FOXP4: variants seen among roughly 807,000 people sequenced by gnomAD.
FOXP4 encodes the protein forkhead box protein P4.
A neutral mutation model predicts 82.6 loss-of-function variants in FOXP4; 25 were observed. The ratio of observed to expected loss-of-function variants is 0.30; its 90% CI spans 0.22 to 0.42. The LOEUF (loss-of-function observed/expected upper bound fraction) is 0.42. Among genes scored for constraint, FOXP4 ranks in the 10% least tolerant of loss-of-function variants. The pLI is 1.00. For missense variants in FOXP4, 785 were observed against 900.9 expected (o/e 0.87, Z 1.65); for synonymous variants, 415 against 388.2 (o/e 1.07, Z -0.81).
rs1425560160 is a variant in FOXP4, at chr6:41,584,948, C to T, written c.423+57C>T. On this transcript the variant is annotated intron_variant, in intron 4 of 16. Coordinates refer to ENST00000307972, the MANE Select transcript of FOXP4 (RefSeq NM_001012426.2). ...CTCCTCTGCCTGGCCTGGCTCCTCC[C>T]ACCCTGTTTACACCTCACCAAGGGC... 4 of 1,537,260 alleles carry T rather than the reference C, an allele frequency of 2.6e-6. No individual in the cohort carries two copies. In the African/African-American group the frequency reaches 4.1e-5, roughly 16 times the overall value.
At position 41,584,240 on chromosome 6, in the gene FOXP4, C is replaced by T. The variant is rs574576120; in HGVS notation, c.301-529C>T. Among the ~76,000 whole-genome samples, 32 of 152,352 alleles carry T rather than the reference C, an allele frequency of 2.1e-4. 1 individual carries two copies. Among genetic ancestry groups the T allele is most frequent in the South Asian group, 8.3e-4 (4 of 4,826 alleles). On this transcript the variant is annotated intron_variant, in intron 3 of 16. Coordinates refer to ENST00000307972, the MANE Select transcript of FOXP4 (RefSeq NM_001012426.2). The stretch of plus-strand genomic sequence containing the variant: ...TGAGAGGAGACAAAGTGCAGGTCCT[C>T]GTGCAAGGTGGGCCACGTTTTGAAT...
Position 41,590,157 on chromosome 6 carries a change from C to T in FOXP4, c.1344C>T (p.Ser448=), listed in dbSNP as rs1425945954. 2 of 1,606,272 alleles carry T rather than the reference C, an allele frequency of 1.2e-6. No homozygotes were observed. The highest frequency in any genetic ancestry group is 1.3e-5 in the African/African-American group (1 of 74,810). The change falls in exon 11 of 17, where the codon TCC becomes TCT. Residue 448 remains serine (S), a synonymous_variant. Transcript: ENST00000307972. ...GGAGAAGCAGTGACAAGTTCTGCTC[C>T]CCCATCTCCTCAGGTGAGGGTGGGC... is the stretch of plus-strand genomic sequence containing the variant. ...ARRRSSDKFC[S]PISSELAQNH...
At chr6:41,587,211 C>T (rs535655363) in intron 6 of FOXP4, 55 bp downstream of exon 6, 48 of 1,608,420 alleles carry the variant, frequency 3.0e-5, no homozygotes, top group South Asian at 2.0e-4. Context: ...CCTGCCTGTA[C>T]GCAACAGCTG....
chr6:41,567,560 G>A (rs531247508), intron 2 of FOXP4, among the ~76,000 whole-genome samples: 1 of 152,298 alleles, frequency 6.6e-6, no homozygotes, highest in South Asian at 2.1e-4. Context: ...ATTTTATATG[G>A]CCAGCTCTTC....
At chr6:41,550,894 C>G (rs956525837) in intron 1 of FOXP4, among the ~76,000 whole-genome samples, 1 of 152,144 alleles carries the variant, frequency 6.6e-6, no homozygotes, top group East Asian at 1.9e-4. Flanking sequence ...TTTGGAAACC[C>G]TAGCCTACAC....
At chr6:41,556,501 T>G (rs1365073814) in intron 1 of FOXP4, among the ~76,000 whole-genome samples, 3 of 152,046 alleles carry the variant, frequency 2.0e-5, no homozygotes, top group Non-Finnish European at 4.4e-5. Flanking sequence ...ATTTTTTGTA[T>G]TTTTAGTAGA....
intron 5 of FOXP4, among the ~76,000 whole-genome samples, 194 bp downstream of exon 5, chr6:41,585,711 T>C (rs1470742962): frequency 6.6e-6 from 1 of 152,050 alleles, no homozygotes; most frequent in African/African-American, 2.4e-5. Flanking sequence ...CTCATCCCCA[T>C]TCATTCTTTC....
intron 13 of FOXP4, among the ~76,000 whole-genome samples, chr6:41,592,766 G>A (rs1369247699): frequency 6.6e-6 from 1 of 151,914 alleles, no homozygotes; most frequent in Non-Finnish European, 1.5e-5. Context: ...CTCTTCTCTT[G>A]AGGTCAGGTT....
chr6:41,564,213 G>A (rs983385174), intron 1 of FOXP4, among the ~76,000 whole-genome samples: 12 of 152,126 alleles, frequency 7.9e-5, no homozygotes, highest in African/African-American at 1.9e-4. Flanking sequence ...CAGCACTTTC[G>A]GAGGCCGAGG....
intron 1 of FOXP4, among the ~76,000 whole-genome samples, chr6:41,560,661 GA>G: frequency 6.6e-6 from 1 of 152,354 alleles, no homozygotes; most frequent in East Asian, 1.9e-4. Flanking sequence ...AGAGATCGCA[GA>G]GGTGTTAATT....
At chr6:41,566,430 TTTCCAGCAGTGAAGAGAGGCCCAGG>T (rs1198340193) in intron 2 of FOXP4, among the ~76,000 whole-genome samples, 1 of 152,198 alleles carries the variant, frequency 6.6e-6, no homozygotes, top group Non-Finnish European at 1.5e-5. Flanking sequence ...TGGGCCTCCA[TTTCCAGCAGTGAAGAGAGGCCCAGG>T]CAGCTGGGTA....
At chr6:41,550,196 C>G (rs188524920) in intron 1 of FOXP4, among the ~76,000 whole-genome samples, 1 of 152,316 alleles carries the variant, frequency 6.6e-6, no homozygotes, top group Non-Finnish European at 1.5e-5. Context: ...GGCTTTGGAA[C>G]TTGGCATTAG....
chr6:41,568,685 C>T (rs1004129228), intron 2 of FOXP4, among the ~76,000 whole-genome samples: 1 of 152,154 alleles, frequency 6.6e-6, no homozygotes, highest in Non-Finnish European at 1.5e-5. Context: ...CCATTCTCCT[C>T]GTACTCTCTG....
rs968521489 is a variant in FOXP4, at chr6:41,587,122, C to G, written c.624C>G (p.Asn208Lys). ...QRQGLVSLQP[N>K]QASGPLQTLP... ...AGGGGCTGGTCAGCCTGCAGCCCAA[C>G]CAAGCCTCGGGGCCCCTCCAGACCC... The change falls in exon 6 of 17, where the codon AAC becomes AAG. Residue 208 changes from asparagine to lysine, a missense_variant. Physicochemically the swap from Asn to Lys is moderately conservative, Grantham distance 94. Coordinates refer to ENST00000307972, the MANE Select transcript of FOXP4 (RefSeq NM_001012426.2). 1 of 1,608,418 alleles carries G rather than the reference C, an allele frequency of 6.2e-7. No homozygotes were observed. The highest frequency in any genetic ancestry group is 1.1e-5 in the South Asian group (1 of 90,922).
chr6:41,590,439 G>T, intron 12 of FOXP4, 92 bp downstream of exon 12: 1 of 1,362,166 alleles, frequency 7.3e-7, no homozygotes, highest in Non-Finnish European at 1.0e-6. Context: ...AGGTCCTGGG[G>T]CCAAGCAATG....
In FOXP4 at chr6:41,585,530, AC is replaced by A. The variant is rs1766058479; in HGVS notation, c.510+15del. 1 of 1,610,888 alleles carries A rather than the reference AC, an allele frequency of 6.2e-7. No individual in the cohort carries two copies. Among genetic ancestry groups the A allele is most frequent in the African/African-American group, 1.3e-5 (1 of 74,832 alleles). ...GCAGCCCAAAGAGGTAAGGGGCTGT[AC>A]CAGGGCCCACCACCGCCCTCACCCC... On this transcript the variant is annotated intron_variant, in intron 5 of 16. Transcript: ENST00000307972.
chr6:41,557,637 G>A (rs559642228), intron 1 of FOXP4, among the ~76,000 whole-genome samples: 4 of 152,292 alleles, frequency 2.6e-5, no homozygotes, highest in Admixed American at 6.5e-5. Flanking sequence ...GGAAAAAGAC[G>A]AAAATTGAAA....
chr6:41,580,277 T>C (rs1373105473), intron 3 of FOXP4, among the ~76,000 whole-genome samples: 3 of 152,230 alleles, frequency 2.0e-5, no homozygotes, highest in African/African-American at 7.2e-5. Flanking sequence ...GTTTTCTCCA[T>C]GTTGGTCAGG....
chr6:41,599,216 C>A lies in FOXP4; in HGVS notation c.*280C>A, dbSNP rs542821243. 14 of 294,818 alleles carry A rather than the reference C, an allele frequency of 4.7e-5. No homozygotes were observed. The highest frequency in any genetic ancestry group is 1.9e-4 in the South Asian group (2 of 10,748). The allele number at this position is 294,818 out of a possible 1,614,324, so 18.3% of individuals were successfully genotyped here. On this transcript the variant is annotated 3_prime_UTR_variant, in exon 17 of 17. Transcript: ENST00000307972. The stretch of plus-strand genomic sequence containing the variant: ...TCCCCACATCTGAAACTGCCTCCCC[C>A]CAACCACCAGCAGCAGCAGGGCCCT...
Sources: gnomAD v4.1 joint callset for allele counts (sites outside exome capture counted in the v4.1 genomes callset) on GRCh38, gnomAD v4.1.1 for gene constraint, MANE v1.5 for transcripts, NCBI Gene and HGNC (gene_info 2026-07-23, HGNC 2026-07-21) for gene names.